The following RSPO2 variants were observed in gnomAD, a reference collection of about 807,000 sequenced individuals.
RSPO2 encodes R-spondin-2.
RSPO2 carries 14 observed loss-of-function variants against 30.9 expected under a neutral mutation model. That is an observed-to-expected ratio of 0.45 (90% confidence interval 0.30 to 0.71). The LOEUF is 0.71. Among genes scored for constraint, RSPO2 ranks in the 30% least tolerant of loss-of-function variants. The pLI is 0.08. For synonymous variants in RSPO2, 107 were observed against 96.4 expected (o/e 1.11, Z -0.64); for missense variants, 264 against 301.9 (o/e 0.87, Z 0.93).
At chr8:108,027,193 A>G (rs575982404) in intron 2 of RSPO2, among the ~76,000 whole-genome samples, 3 of 152,368 alleles carry the variant, frequency 2.0e-5, no homozygotes, top group Admixed American at 6.5e-5. Flanking sequence ...AATAAAGCTC[A>G]TCATTTAAAA....
At chr8:108,020,405 T>C (rs1267606541) in intron 2 of RSPO2, among the ~76,000 whole-genome samples, 1 of 152,102 alleles carries the variant, frequency 6.6e-6, no homozygotes, top group Non-Finnish European at 1.5e-5. Context: ...TTAAATAAAA[T>C]CCTATCACTT....
At chr8:108,036,827 C>A (rs903620799) in intron 2 of RSPO2, among the ~76,000 whole-genome samples, 3 of 152,122 alleles carry the variant, frequency 2.0e-5, no homozygotes, top group African/African-American at 7.2e-5. Context: ...TAAAATTTTT[C>A]ATTATTATTA....
chr8:108,003,297 ATATATATATATATATTTTTTTTTTTTTT>A lies in RSPO2; in HGVS notation c.95-14081_95-14054del, dbSNP rs1314777100. Among the ~76,000 whole-genome samples, 91 of 23,328 alleles carry A rather than the reference ATATATATATATATATTTTTTTTTTTTTT, an allele frequency of 3.9e-3. 1 individual carries two copies. Among genetic ancestry groups the A allele is most frequent in the Middle Eastern group, 0.021 (1 of 48 alleles). The allele number at this position is 23,328 out of a possible 152,430, so 15.3% of individuals were successfully genotyped here. ...TGTGTGTATATATATATATATATAT[ATATATATATATATATTTTTTTTTTTTTT>A]TTTTTTTTTTTTAAGTAGAGACGGG... On this transcript the variant is annotated intron_variant, in intron 2 of 5. Coordinates refer to ENST00000276659, the MANE Select transcript of RSPO2 (RefSeq NM_178565.5).
At chr8:107,901,513 C>T (rs1054437690) in intron 5 of RSPO2, among the ~76,000 whole-genome samples, 1 of 152,206 alleles carries the variant, frequency 6.6e-6, no homozygotes, top group Non-Finnish European at 1.5e-5. Context: ...ACAATGCTAC[C>T]CTTTTCTACA....
At chr8:107,921,410 T>C (rs1812167353) in intron 5 of RSPO2, among the ~76,000 whole-genome samples, 1 of 152,078 alleles carries the variant, frequency 6.6e-6, no homozygotes. Flanking sequence ...TAGATTTGTG[T>C]CACATCACTT....
At chr8:107,986,176 T>A (rs1277195751) in intron 3 of RSPO2, among the ~76,000 whole-genome samples, 2 of 152,154 alleles carry the variant, frequency 1.3e-5, no homozygotes, top group African/African-American at 4.8e-5. Context: ...AATACAAATA[T>A]CAATGCAATA....
intron 2 of RSPO2, among the ~76,000 whole-genome samples, chr8:108,031,356 T>C (rs1225534340): frequency 6.6e-6 from 1 of 152,236 alleles, no homozygotes; most frequent in Non-Finnish European, 1.5e-5. Context: ...TGAGTTTTCC[T>C]TTCTTGTAGT....
intron 5 of RSPO2, among the ~76,000 whole-genome samples, chr8:107,924,071 C>T (rs983333378): frequency 1.3e-5 from 2 of 148,974 alleles, no homozygotes; most frequent in Non-Finnish European, 3.0e-5. Context: ...CAAAGTTGCA[C>T]GTGTACCCCT....
chr8:108,081,028 C>T (rs554250639), intron 2 of RSPO2, among the ~76,000 whole-genome samples: 1 of 152,210 alleles, frequency 6.6e-6, no homozygotes, highest in South Asian at 2.1e-4. Flanking sequence ...CTCTCATGGC[C>T]TTTGGGAAGA....
intron 2 of RSPO2, among the ~76,000 whole-genome samples, chr8:108,011,633 G>C (rs1357015410): frequency 6.6e-6 from 1 of 152,096 alleles, no homozygotes; most frequent in Non-Finnish European, 1.5e-5. Context: ...TTCATATATG[G>C]CAATTGAGAA....
chr8:108,016,321 G>T lies in RSPO2; in HGVS notation c.95-27077C>A, dbSNP rs1396354507. Among the ~76,000 whole-genome samples, 5 of 152,264 alleles carry T rather than the reference G, an allele frequency of 3.3e-5. No individual in the cohort carries two copies. In the East Asian group the frequency reaches 9.6e-4, roughly 29 times the overall value. On this transcript the variant is annotated intron_variant, in intron 2 of 5. Transcript: ENST00000276659. ...ACAGAGTATTCAACACAAGTTAGAG[G>T]CAGAAGGAATTCCCCAAGATTATGC...
intron 2 of RSPO2, among the ~76,000 whole-genome samples, chr8:108,074,769 C>A (rs1350689556): frequency 4.6e-5 from 7 of 152,202 alleles, no homozygotes; most frequent in Non-Finnish European, 1.0e-4. Context: ...GATCCTAGCT[C>A]TGTTCTCTTC....
intron 5 of RSPO2, among the ~76,000 whole-genome samples, chr8:107,931,473 T>G (rs1812551788): frequency 6.6e-6 from 1 of 152,118 alleles, no homozygotes; most frequent in South Asian, 2.1e-4. Context: ...CACTTAGTGC[T>G]CACGAAATTA....
intron 2 of RSPO2, among the ~76,000 whole-genome samples, chr8:108,045,187 G>A (rs916086153): frequency 2.6e-5 from 4 of 152,030 alleles, no homozygotes; most frequent in African/African-American, 9.7e-5. Flanking sequence ...ATCTGACAAA[G>A]GCCTAATATC....
At chr8:107,940,408 C>T (rs534118827) in intron 5 of RSPO2, among the ~76,000 whole-genome samples, 1 of 152,244 alleles carries the variant, frequency 6.6e-6, no homozygotes, top group Non-Finnish European at 1.5e-5. Context: ...CCCTTCCATC[C>T]CTCCCCTGGC....
At chr8:107,957,313 T>C (rs1214985125) in intron 5 of RSPO2, among the ~76,000 whole-genome samples, 2 of 152,188 alleles carry the variant, frequency 1.3e-5, no homozygotes, top group African/African-American at 4.8e-5. Flanking sequence ...CATTGTAGCA[T>C]CCGCTAGTGA....
At chr8:107,971,019 G>A (rs772382443) in intron 3 of RSPO2, among the ~76,000 whole-genome samples, 2 of 152,210 alleles carry the variant, frequency 1.3e-5, no homozygotes, top group Non-Finnish European at 2.9e-5. Context: ...TTGTAAATGA[G>A]GATATTAACT....
chr8:107,964,420 T>A (rs573820034), intron 3 of RSPO2, among the ~76,000 whole-genome samples: 16 of 152,256 alleles, frequency 1.1e-4, no homozygotes, highest in South Asian at 2.1e-4. Context: ...AATTTTGTAT[T>A]TTTAGTAGAG....
intron 5 of RSPO2, among the ~76,000 whole-genome samples, chr8:107,911,851 T>A (rs1383053489): frequency 6.6e-6 from 1 of 152,138 alleles, no homozygotes; most frequent in African/African-American, 2.4e-5. Context: ...GATCTCGTAA[T>A]CATTTAAATG....
Sources: allele counts gnomAD v4.1 joint callset (sites outside exome capture counted in the v4.1 genomes callset), GRCh38; gene constraint gnomAD v4.1.1; transcripts MANE v1.5; gene names NCBI Gene and HGNC (gene_info 2026-07-23, HGNC 2026-07-21).